The following CTNNBL1 variants were observed in gnomAD, a reference collection of about 807,000 sequenced individuals.
CTNNBL1 encodes beta-catenin-like protein 1.
CTNNBL1 carries 31 observed loss-of-function variants against 72.7 expected under a neutral mutation model. The ratio of observed to expected loss-of-function variants is 0.43; its 90% CI spans 0.32 to 0.58. The LOEUF (loss-of-function observed/expected upper bound fraction) is 0.58. Ranked by LOEUF, CTNNBL1 falls within the 20% of genes least tolerant of loss-of-function variation. CTNNBL1 has a pLI of 0.08. For missense variants in CTNNBL1, 534 were observed against 725.1 expected, an observed-to-expected ratio of 0.74 and a Z score of 3.03; for synonymous variants, 240 against 267.3, an observed-to-expected ratio of 0.90 and a Z score of 1.00.
Position 37,870,447 on chromosome 20 carries a change from A to G in CTNNBL1, c.1604-1478A>G, listed in dbSNP as rs560752563. On this transcript the variant is annotated intron_variant, in intron 15 of 15. Transcript: ENST00000361383. Reference sequence around the variant, plus strand: ...CAGTCCTTGCGGGGATTCTGGGCTCACTGTCAGCCTCCCCAATGCTCTTGT... The same window carrying G: ...CAGTCCTTGCGGGGATTCTGGGCTCGCTGTCAGCCTCCCCAATGCTCTTGT... Among the ~76,000 whole-genome samples, 6 of 151,870 alleles carry G rather than the reference A, an allele frequency of 4.0e-5. No individual in the cohort carries two copies. The South Asian group carries it at 1.3e-3, about 32-fold the overall frequency.
In CTNNBL1 at chr20:37,855,623, G is replaced by A. The variant is rs573923479; in HGVS notation, c.1393-4276G>A. On this transcript the variant is annotated intron_variant, in intron 13 of 15. Coordinates refer to ENST00000361383, the MANE Select transcript of CTNNBL1 (RefSeq NM_030877.5). ...CCTTCCCCTTCTCACGTAGGCTGAT[G>A]CCCTGGTCTTCCAGCTATGCACTCT... Among the ~76,000 whole-genome samples the A allele has an allele frequency of 5.3e-5, 8 of 152,218 alleles. No homozygotes were observed. The South Asian group carries it at 1.5e-3, about 28-fold the overall frequency.
At chr20:37,863,899 A>C (rs2072513972) in intron 15 of CTNNBL1, among the ~76,000 whole-genome samples, 1 of 152,150 alleles carries the variant, frequency 6.6e-6, no homozygotes, top group Non-Finnish European at 1.5e-5. Context: ...TCTAGATGGA[A>C]GGTTGTCATA....
rs1277920382 is a variant in CTNNBL1, at chr20:37,732,209, C to G, written c.31-670C>G. 2.0e-5 allele frequency among the ~76,000 whole-genome samples: 3 copies of G among 152,146 alleles called. No homozygotes were observed. In the South Asian group the frequency reaches 6.2e-4, roughly 32 times the overall value. ...TATCTTCTGGCCATTTGTACATCTTCTTTTGAGAAGTGTCTATTTAGGTCC... is the reference window on the plus strand; with the variant it reads ...TATCTTCTGGCCATTTGTACATCTTGTTTTGAGAAGTGTCTATTTAGGTCC... On this transcript the variant is annotated intron_variant, in intron 1 of 15. Transcript: ENST00000361383.
intron 13 of CTNNBL1, among the ~76,000 whole-genome samples, chr20:37,844,242 G>T (rs2072328639): frequency 6.6e-6 from 1 of 152,148 alleles, no homozygotes; most frequent in Non-Finnish European, 1.5e-5. Context: ...GCAAAGAGAA[G>T]ACCTGGGAGT....
intron 11 of CTNNBL1, among the ~76,000 whole-genome samples, chr20:37,805,715 T>A (rs1017121316): frequency 1.3e-5 from 2 of 152,106 alleles, no homozygotes; most frequent in African/African-American, 4.8e-5. Flanking sequence ...AGTTTTGATG[T>A]CTCTTTCTCA....
chr20:37,733,458 A>G (rs2073146999), intron 2 of CTNNBL1, among the ~76,000 whole-genome samples: 1 of 152,168 alleles, frequency 6.6e-6, no homozygotes, highest in Admixed American at 6.5e-5. Flanking sequence ...GGAGAAGTTT[A>G]ATGGGTTCCA....
In CTNNBL1 at chr20:37,710,175, A is replaced by G. The variant is rs73290831; in HGVS notation, c.30+16023A>G. Among the ~76,000 whole-genome samples the G allele has an allele frequency of 7.7e-3, 1,173 of 152,308 alleles. 15 individuals are homozygous for G. The highest frequency in any genetic ancestry group is 0.025 in the African/African-American group (1,042 of 41,558). On this transcript the variant is annotated intron_variant, in intron 1 of 15. Coordinates refer to ENST00000361383, the MANE Select transcript of CTNNBL1 (RefSeq NM_030877.5). Reference sequence around the variant, plus strand: ...ATCTCAGGAGCATCATTATGAATACATGTTAGTTGTGCCTGAATTCTCTCA... The same window carrying G: ...ATCTCAGGAGCATCATTATGAATACGTGTTAGTTGTGCCTGAATTCTCTCA...
chr20:37,740,449 G>C (rs1056136674), intron 3 of CTNNBL1, among the ~76,000 whole-genome samples: 5 of 152,174 alleles, frequency 3.3e-5, no homozygotes, highest in Non-Finnish European at 5.9e-5. Flanking sequence ...CTGCATTTGA[G>C]ATTCAGTTGA....
intron 13 of CTNNBL1, among the ~76,000 whole-genome samples, chr20:37,858,113 CTG>C (rs1347529137): frequency 6.6e-6 from 1 of 152,236 alleles, no homozygotes; most frequent in Non-Finnish European, 1.5e-5. Flanking sequence ...GGGAGGATCA[CTG>C]GAGCCCAGAA....
intron 1 of CTNNBL1, among the ~76,000 whole-genome samples, chr20:37,728,885 T>C (rs1053945015): frequency 2.7e-4 from 41 of 152,246 alleles, no homozygotes; most frequent in African/African-American, 9.9e-4. Context: ...AACTTAAAGG[T>C]AACCCTCTTA....
intron 7 of CTNNBL1, among the ~76,000 whole-genome samples, chr20:37,771,057 C>T (rs189533905): frequency 7.2e-4 from 110 of 152,288 alleles, no homozygotes; most frequent in African/African-American, 2.5e-3. Flanking sequence ...TTGTGGGTAA[C>T]GGCCTCTTAA....
intron 10 of CTNNBL1, among the ~76,000 whole-genome samples, chr20:37,797,162 C>T (rs1349640626): frequency 6.6e-6 from 1 of 152,064 alleles, no homozygotes; most frequent in Non-Finnish European, 1.5e-5. Flanking sequence ...GGCTGTGGTC[C>T]TATTGATCTT....
chr20:37,699,428 ACT>A (rs2072821400), intron 1 of CTNNBL1, among the ~76,000 whole-genome samples: 1 of 152,214 alleles, frequency 6.6e-6, no homozygotes, highest in African/African-American at 2.4e-5. Flanking sequence ...AGGAAAGGAA[ACT>A]CAACCTAGGG....
intron 3 of CTNNBL1, among the ~76,000 whole-genome samples, chr20:37,743,224 C>G (rs1168573734): frequency 6.6e-6 from 1 of 151,024 alleles, no homozygotes; most frequent in Non-Finnish European, 1.5e-5. Flanking sequence ...AACCTTTTGT[C>G]AGGTTGTTCT....
intron 11 of CTNNBL1, among the ~76,000 whole-genome samples, chr20:37,826,269 A>G (rs1468512611): frequency 6.6e-6 from 1 of 152,238 alleles, no homozygotes; most frequent in Admixed American, 6.5e-5. Flanking sequence ...GGTAACACTT[A>G]AACACTTTTA....
Position 37,737,501 on chromosome 20 carries a change from C to T in CTNNBL1, c.326+17C>T, listed in dbSNP as rs768607112. The T allele has an allele frequency of 3.9e-6, 6 of 1,519,444 alleles. No individual in the cohort carries two copies. The African/African-American group carries it at 5.5e-5, about 14-fold the overall frequency. 94.1% of individuals were successfully genotyped at this position (1,519,444 alleles called of 1,614,324 possible). A position where few individuals can be genotyped will look rare whatever the true frequency, so the allele number is the denominator to read the frequency against. On this transcript the variant is annotated intron_variant, in intron 3 of 15. Coordinates refer to ENST00000361383, the MANE Select transcript of CTNNBL1 (RefSeq NM_030877.5). ...TCCAGAGAAGTAAGGTTCTGTTCCA[C>T]TGATACCATGTCTCCTCTGTGGCGT...
intron 2 of CTNNBL1, 61 bp from the exon 3 acceptor site, chr20:37,737,317 A>G: frequency 8.9e-7 from 1 of 1,125,720 alleles, no homozygotes; most frequent in Non-Finnish European, 1.3e-6. Flanking sequence ...ACAGGAAAGT[A>G]GTGACAATGA....
chr20:37,774,252 A>G (rs2073554144), intron 7 of CTNNBL1, among the ~76,000 whole-genome samples: 1 of 152,124 alleles, frequency 6.6e-6, no homozygotes, highest in Non-Finnish European at 1.5e-5. Context: ...AGCCCTGCCA[A>G]GAGGGTGCAG....
intron 10 of CTNNBL1, among the ~76,000 whole-genome samples, chr20:37,799,561 A>T (rs2073806474): frequency 6.6e-6 from 1 of 152,076 alleles, no homozygotes; most frequent in South Asian, 2.1e-4. Flanking sequence ...ACCTTCACTG[A>T]CTTCTCCCAA....
Sources: gnomAD v4.1 joint callset for allele counts (sites outside exome capture counted in the v4.1 genomes callset) on GRCh38, gnomAD v4.1.1 for gene constraint, MANE v1.5 for transcripts, NCBI Gene and HGNC (gene_info 2026-07-23, HGNC 2026-07-21) for gene names.